The following DNAH11 variants were observed in gnomAD, a reference collection of about 807,000 sequenced individuals.
DNAH11 encodes the protein dynein axonemal heavy chain 11, also known as axonemal beta dynein heavy chain 11.
In DNAH11, 442 loss-of-function variants were observed where a neutral mutation model predicts 526.0. The ratio of observed to expected loss-of-function variants is 0.84; its 90% CI spans 0.78 to 0.91. The LOEUF (loss-of-function observed/expected upper bound fraction) is 0.91. Among genes scored for constraint, DNAH11 ranks in the 40% least tolerant of loss-of-function variants. The pLI, the probability that DNAH11 is intolerant of heterozygous loss-of-function variation, is 0.00. For synonymous variants in DNAH11, 2,461 were observed against 1,935.9 expected (o/e 1.27, Z -7.12); for missense variants, 6,989 against 5,448.7 (o/e 1.28, Z -8.90).
At chr7:21,900,199 C>T in intron 81 of DNAH11, 79 bp downstream of exon 81, 4 of 1,419,128 alleles carry the variant, frequency 2.8e-6, no homozygotes, top group Non-Finnish European at 3.8e-6. Context: ...CTTACTGTTT[C>T]TCAGCATCTC....
chr7:21,564,264 T>G lies in DNAH11; in HGVS notation c.1061T>G (p.Phe354Cys). ...ATCCAGTGTCTCCAGGAGACGGAAT[T>G]CCCACAGACACGCATATTAATCGCT... ...RHIQCLQETE[F>C]PQTRILIAPL... Residue 354 changes from phenylalanine to cysteine, a missense_variant, in exon 6 of 82, where the codon TTC becomes TGC. Phe to Cys is a radical substitution (Grantham distance 205). Coordinates refer to ENST00000409508, the MANE Select transcript of DNAH11 (RefSeq NM_001277115.2). 1 of 1,613,726 alleles carries G rather than the reference T, an allele frequency of 6.2e-7. No individual in the cohort carries two copies. Among genetic ancestry groups the G allele is most frequent in the South Asian group, 1.1e-5 (1 of 91,054 alleles).
chr7:21,567,735 CTT>C (rs1783730619), intron 6 of DNAH11, among the ~76,000 whole-genome samples: 1 of 152,324 alleles, frequency 6.6e-6, no homozygotes. Context: ...GTCGGAAACT[CTT>C]TGTTACTTTA....
At chr7:21,630,226 T>G (rs1197462870) in intron 25 of DNAH11, among the ~76,000 whole-genome samples, 1 of 151,936 alleles carries the variant, frequency 6.6e-6, no homozygotes, top group Non-Finnish European at 1.5e-5. Context: ...CCACCCCACA[T>G]TTTGAGCTTT....
At chr7:21,663,033 T>C (rs540271401) in intron 30 of DNAH11, among the ~76,000 whole-genome samples, 1 of 152,088 alleles carries the variant, frequency 6.6e-6, no homozygotes, top group Non-Finnish European at 1.5e-5. Context: ...TCAATATCCA[T>C]GTGTACACAT....
chr7:21,578,875 C>G (rs756453659), intron 8 of DNAH11, among the ~76,000 whole-genome samples: 2 of 152,156 alleles, frequency 1.3e-5, no homozygotes, highest in Non-Finnish European at 2.9e-5. Context: ...CCCTGCCTGT[C>G]CCTCCCCAAA....
Position 21,757,751 on chromosome 7 carries a change from C to T in DNAH11, c.8940+7387C>T, listed in dbSNP as rs80044909. 2.6e-4 allele frequency among the ~76,000 whole-genome samples: 39 copies of T among 152,220 alleles called. No individual in the cohort carries two copies. In the East Asian group the frequency reaches 7.3e-3, roughly 29 times the overall value. On this transcript the variant is annotated intron_variant, in intron 54 of 81. Coordinates refer to ENST00000409508, the MANE Select transcript of DNAH11 (RefSeq NM_001277115.2). Reference sequence around the variant, plus strand: ...CAGCGTCATGTGCAGGGACCTGAGACTCTCAACAAAAAATGTCAAGCACCA... The same window carrying T: ...CAGCGTCATGTGCAGGGACCTGAGATTCTCAACAAAAAATGTCAAGCACCA...
At chr7:21,782,326 G>T (rs944550931) in intron 57 of DNAH11, among the ~76,000 whole-genome samples, 1 of 152,194 alleles carries the variant, frequency 6.6e-6, no homozygotes, top group African/African-American at 2.4e-5. Flanking sequence ...CTGTTTTATA[G>T]GTTGAGCCTT....
intron 31 of DNAH11, among the ~76,000 whole-genome samples, chr7:21,682,870 C>T (rs1248608855): frequency 6.6e-6 from 1 of 152,152 alleles, no homozygotes. Context: ...GATCCAGCTT[C>T]AGGACCACTA....
At chr7:21,717,654 T>A in intron 42 of DNAH11, 121 bp from the exon 43 acceptor site, 1 of 1,131,324 alleles carries the variant, frequency 8.8e-7, no homozygotes. Flanking sequence ...TAGAACGAAC[T>A]CACTAAACGT....
At chr7:21,709,341 A>G (rs914300437) in intron 40 of DNAH11, among the ~76,000 whole-genome samples, 4 of 152,216 alleles carry the variant, frequency 2.6e-5, no homozygotes, top group African/African-American at 9.6e-5. Context: ...CAAATACTGC[A>G]TATTCTTATT....
chr7:21,728,488 A>G (rs986961843), intron 45 of DNAH11, among the ~76,000 whole-genome samples: 2 of 151,814 alleles, frequency 1.3e-5, no homozygotes, highest in Non-Finnish European at 2.9e-5. Context: ...TGAACTCCTG[A>G]CCTCAAGTGA....
chr7:21,611,138 G>C (rs1785507689), intron 20 of DNAH11, among the ~76,000 whole-genome samples: 1 of 152,136 alleles, frequency 6.6e-6, no homozygotes, highest in African/African-American at 2.4e-5. Context: ...CAATTGGCTG[G>C]GGGCCCAGAT....
chr7:21,560,960 T>G (rs1783433509), intron 4 of DNAH11, 111 bp from the exon 5 acceptor site: 1 of 751,338 alleles, frequency 1.3e-6, no homozygotes, highest in Non-Finnish European at 2.2e-6. Flanking sequence ...GAGTGTTAAA[T>G]ACTGTATCAC....
chr7:21,818,406 C>G (rs1467746424), intron 65 of DNAH11, 67 bp downstream of exon 65: 13 of 1,537,802 alleles, frequency 8.5e-6, no homozygotes, highest in Non-Finnish European at 1.1e-5. Context: ...CATCTCTTAG[C>G]TTCATAGTCA....
At chr7:21,545,783 T>C (rs60561155) in intron 2 of DNAH11, among the ~76,000 whole-genome samples, 6,036 of 152,246 alleles carry the variant, frequency 0.04, 412 homozygotes, top group African/African-American at 0.14. Flanking sequence ...GAGCCCGAGG[T>C]TCTGCATTTC....
intron 19 of DNAH11, 31 bp from the exon 20 acceptor site, chr7:21,606,616 T>TCAC: frequency 1.3e-5 from 4 of 309,228 alleles, no homozygotes; most frequent in Non-Finnish European, 1.7e-5. Flanking sequence ...TGAAATTCAC[T>TCAC]TTTTTTTTTT....
intron 81 of DNAH11, among the ~76,000 whole-genome samples, chr7:21,900,510 T>C (rs980448087): frequency 8.9e-6 from 1 of 111,742 alleles, no homozygotes; most frequent in African/African-American, 2.8e-5. Flanking sequence ...GCCTGGAAGA[T>C]GCTACTGCGT....
chr7:21,767,920 A>T (rs565479203), intron 55 of DNAH11, among the ~76,000 whole-genome samples: 1 of 152,140 alleles, frequency 6.6e-6, no homozygotes, highest in Non-Finnish European at 1.5e-5. Context: ...GTGCTTACAC[A>T]AGGTGACCCC....
In DNAH11 at chr7:21,561,069, A is replaced by G; in HGVS notation, c.883-2A>G. ...AGTTCTTCTTTTTTTCCTTTAACTT[A>G]GCTTCAGGCACCTGTTGTCCTCAAA... On this transcript the variant is annotated splice_acceptor_variant, in intron 4 of 81. Coordinates refer to ENST00000409508, the MANE Select transcript of DNAH11 (RefSeq NM_001277115.2). LOFTEE classifies it high-confidence loss of function. The G allele has an allele frequency of 6.3e-7, 1 of 1,586,644 alleles. No individual in the cohort carries two copies. Among genetic ancestry groups the G allele is most frequent in the Non-Finnish European group, 8.6e-7 (1 of 1,165,238 alleles).
Sources: gnomAD v4.1 joint callset for allele counts (sites outside exome capture counted in the v4.1 genomes callset) on GRCh38, gnomAD v4.1.1 for gene constraint, MANE v1.5 for transcripts, NCBI Gene and HGNC (gene_info 2026-07-23, HGNC 2026-07-21) for gene names.